The following SUN3 variants were observed in gnomAD, a reference collection of about 807,000 sequenced individuals.
The protein encoded by SUN3 is SUN domain-containing protein 3.
Under a neutral mutation model 48.2 loss-of-function variants are expected in SUN3, and 36 were observed. That is an observed-to-expected ratio of 0.75 (90% confidence interval 0.57 to 0.99). The LOEUF (loss-of-function observed/expected upper bound fraction) is 0.99. SUN3 is among the 50% of genes least tolerant of loss of function. The pLI is 0.00. For synonymous variants in SUN3, 148 were observed against 147.9 expected (o/e 1.00, Z 0.00); for missense variants, 419 against 433.1 (o/e 0.97, Z 0.29).
chr7:48,026,936 T>C (rs1043454103), intron 1 of SUN3, among the ~76,000 whole-genome samples: 1 of 152,166 alleles, frequency 6.6e-6, no homozygotes, highest in Non-Finnish European at 1.5e-5. Flanking sequence ...GTATTTATTA[T>C]TGCAGCCCGA....
chr7:48,003,519 T>C (rs1163416460), intron 6 of SUN3, among the ~76,000 whole-genome samples: 1 of 152,252 alleles, frequency 6.6e-6, no homozygotes, highest in South Asian at 2.1e-4. Flanking sequence ...TTTAGTGATA[T>C]TGATTCTTTC....
chr7:47,997,878 T>A (rs534880880), intron 6 of SUN3, among the ~76,000 whole-genome samples: 113 of 152,358 alleles, frequency 7.4e-4, no homozygotes, highest in Middle Eastern at 3.4e-3. Context: ...ATTTAGCCAA[T>A]GCATTTGAGA....
At chr7:48,025,104 C>T (rs1790099222) in intron 2 of SUN3, among the ~76,000 whole-genome samples, 1 of 152,154 alleles carries the variant, frequency 6.6e-6, no homozygotes, top group East Asian at 1.9e-4. Flanking sequence ...CACACATACA[C>T]ACTTATGCAC....
intron 8 of SUN3, among the ~76,000 whole-genome samples, chr7:47,993,786 G>T (rs977557018): frequency 6.6e-6 from 1 of 152,234 alleles, no homozygotes; most frequent in South Asian, 2.1e-4. Flanking sequence ...CCACTGAAGG[G>T]TGTACTTTAA....
intron 8 of SUN3, among the ~76,000 whole-genome samples, chr7:47,991,667 C>T (rs1347057170): frequency 6.6e-6 from 1 of 152,072 alleles, no homozygotes; most frequent in African/African-American, 2.4e-5. Context: ...TGAAGATGGC[C>T]AAATGGCGCC....
intron 7 of SUN3, among the ~76,000 whole-genome samples, chr7:47,995,414 C>T (rs1371751884): frequency 6.6e-6 from 1 of 152,030 alleles, no homozygotes; most frequent in Non-Finnish European, 1.5e-5. Flanking sequence ...AAAATGAGGT[C>T]TACTACTTTG....
At chr7:48,001,276 C>T (rs1789359479) in intron 6 of SUN3, among the ~76,000 whole-genome samples, 1 of 152,034 alleles carries the variant, frequency 6.6e-6, no homozygotes, top group African/African-American at 2.4e-5. Flanking sequence ...GTGTGTTGTT[C>T]CCCTCTATGT....
chr7:48,035,717 T>C, the SUN3 span: 1 of 587,486 alleles, frequency 1.7e-6, no homozygotes, highest in Admixed American at 2.9e-5. The surrounding 1 kb of genome is among the most constrained non-coding windows in gnomAD (Gnocchi z 4.0). Context: ...GTGCGGGCAG[T>C]GCGCGCCGGG....
At chr7:48,035,833 C>T in the SUN3 span, among the ~76,000 whole-genome samples, 3 of 152,210 alleles carry the variant, frequency 2.0e-5, no homozygotes, top group Non-Finnish European at 4.4e-5. The surrounding 1 kb of genome is among the most constrained non-coding windows in gnomAD (Gnocchi z 4.0). Context: ...TGCTTATCCT[C>T]TCTGTACTTG....
At position 48,007,145 on chromosome 7, in the gene SUN3, C is replaced by A. The variant is rs368996415; in HGVS notation, c.492+20G>T. The A allele has an allele frequency of 6.2e-7, 1 of 1,606,816 alleles. No homozygotes were observed. The highest frequency in any genetic ancestry group is 1.1e-5 in the South Asian group (1 of 89,974). On this transcript the variant is annotated intron_variant, in intron 5 of 9. Coordinates refer to ENST00000297325, the MANE Select transcript of SUN3 (RefSeq NM_001030019.2). ...AACCACCACCCCACCCTGCCCAACC[C>A]GCCTAGCCTCATCCAGGACCTCTGT...
At chr7:47,996,619 G>A (rs1789219795) in intron 6 of SUN3, among the ~76,000 whole-genome samples, 1 of 152,074 alleles carries the variant, frequency 6.6e-6, no homozygotes, top group Non-Finnish European at 1.5e-5. Flanking sequence ...AAAGAAATAT[G>A]AAATATACTC....
In SUN3 at chr7:48,028,823, G is replaced by A. The variant is rs779749534; in HGVS notation, c.116C>T (p.Ala39Val). 1 of 1,613,560 alleles carries A rather than the reference G, an allele frequency of 6.2e-7. No homozygotes were observed. The change falls in exon 1 of 10, where the codon GCG becomes GTG. Residue 39 changes from alanine to valine, a missense_variant. Transcript: ENST00000297325. Reference sequence around the variant, plus strand: ...TTCTGCCATGTTTACCTACCCATTCGCATCAGGATTTTCGTCCTCTGATAA... The same window carrying A: ...TTCTGCCATGTTTACCTACCCATTCACATCAGGATTTTCGTCCTCTGATAA... ...ALLSEDENPD[A>V]NGVTRSWKII... is the part of the protein sequence containing the mutation.
At chr7:48,025,733 A>C (rs1175829873) in intron 2 of SUN3, 144 bp downstream of exon 2, 23 of 456,936 alleles carry the variant, frequency 5.0e-5, no homozygotes. Context: ...AAAACAAACG[A>C]AAAAGCTTTG....
intron 4 of SUN3, 45 bp downstream of exon 4, chr7:48,008,990 T>C: frequency 1.7e-5 from 27 of 1,588,310 alleles, no homozygotes; most frequent in Non-Finnish European, 2.3e-5. Flanking sequence ...TTTCAGTATT[T>C]GAAACCACAC....
chr7:48,017,829 G>T (rs1439685453), intron 2 of SUN3, among the ~76,000 whole-genome samples: 1 of 152,180 alleles, frequency 6.6e-6, no homozygotes, highest in African/African-American at 2.4e-5. Context: ...TGGCACAGAA[G>T]CTGACCTGTG....
intron 3 of SUN3, among the ~76,000 whole-genome samples, chr7:48,015,631 G>A (rs552503568): frequency 2.0e-5 from 3 of 152,108 alleles, no homozygotes; most frequent in African/African-American, 7.2e-5. Context: ...AGTCACTATG[G>A]GTTAAAAGAT....
At chr7:48,008,132 G>T (rs1264179649) in intron 4 of SUN3, among the ~76,000 whole-genome samples, 2 of 152,106 alleles carry the variant, frequency 1.3e-5, no homozygotes, top group Non-Finnish European at 2.9e-5. Context: ...CCAAGAATGG[G>T]TTTTCTATGT....
chr7:47,991,795 A>G (rs1789071304), intron 8 of SUN3, among the ~76,000 whole-genome samples: 1 of 152,010 alleles, frequency 6.6e-6, no homozygotes, highest in African/African-American at 2.4e-5. Context: ...TGTGGGTGAA[A>G]GCGTGAGGGG....
At chr7:48,018,404 T>C (rs1196887868) in intron 2 of SUN3, 1 of 152,048 alleles carries the variant, frequency 6.6e-6, no homozygotes, top group African/African-American at 2.4e-5. Context: ...GGTGGGTGGA[T>C]CACAAGGTCA....
Sources: gnomAD v4.1 joint callset for allele counts (sites outside exome capture counted in the v4.1 genomes callset) on GRCh38, gnomAD v4.1.1 for gene constraint, Gnocchi (gnomAD v3.1) non-coding constraint, MANE v1.5 for transcripts, NCBI Gene and HGNC (gene_info 2026-07-23, HGNC 2026-07-21) for gene names.